Variants in RBFOX1 observed in about 807,000 individuals in gnomAD.
RBFOX1 encodes the protein RNA binding protein fox-1 homolog 1.
Under a neutral mutation model 57.7 loss-of-function variants are expected in RBFOX1, and 8 were observed. That is an observed-to-expected ratio of 0.14 (90% CI 0.08 to 0.25). RBFOX1 has a LOEUF of 0.25. Ranked by LOEUF, RBFOX1 falls within the 10% of genes least tolerant of loss-of-function variation. RBFOX1 has a pLI of 1.00. For missense variants in RBFOX1, 611 were observed against 548.5 expected (o/e 1.11, Z -1.14); for synonymous variants, 326 against 222.4 (o/e 1.47, Z -4.15).
At chr16:5,748,032 A>G (rs1207570156) in intron 3 of RBFOX1, among the ~76,000 whole-genome samples, 1 of 152,150 alleles carries the variant, frequency 6.6e-6, no homozygotes, top group Non-Finnish European at 1.5e-5. Flanking sequence ...ATTTCCCTCT[A>G]CACACTGCTT....
chr16:5,331,491 C>T (rs577016187), intron 1 of RBFOX1, among the ~76,000 whole-genome samples: 26 of 152,320 alleles, frequency 1.7e-4, no homozygotes, highest in Admixed American at 4.6e-4. Flanking sequence ...TCTGTCTTAC[C>T]AATTCTGGAA....
intron 13 of RBFOX1, among the ~76,000 whole-genome samples, chr16:7,673,024 C>T (rs1017972333): frequency 2.6e-5 from 4 of 151,944 alleles, no homozygotes; most frequent in Non-Finnish European, 5.9e-5. Flanking sequence ...TTGACCCTTG[C>T]ATATTTTCAT....
chr16:7,582,236 T>A (rs1394870815), intron 6 of RBFOX1, among the ~76,000 whole-genome samples: 1 of 152,218 alleles, frequency 6.6e-6, no homozygotes, highest in Non-Finnish European at 1.5e-5. Context: ...TTTGGCAAGA[T>A]GATAGATACA....
intron 4 of RBFOX1, among the ~76,000 whole-genome samples, chr16:7,356,456 T>A (rs1347466377): frequency 4.1e-5 from 6 of 147,674 alleles, no homozygotes; most frequent in Non-Finnish European, 7.5e-5. Flanking sequence ...GACTGGAGAG[T>A]GTTCAAAAGA....
At chr16:7,390,104 G>C (rs181673374) in intron 4 of RBFOX1, among the ~76,000 whole-genome samples, 12 of 152,184 alleles carry the variant, frequency 7.9e-5, no homozygotes, top group African/African-American at 2.9e-4. Context: ...AAAACAGAGC[G>C]AGAAGGGAGA....
At chr16:6,268,927 C>T (rs181983061) in intron 1 of RBFOX1, among the ~76,000 whole-genome samples, 3 of 152,226 alleles carry the variant, frequency 2.0e-5, no homozygotes, top group Admixed American at 2.0e-4. Context: ...TGTTCAAGTT[C>T]CTGATATAAA....
At chr16:6,447,717 C>G (rs1030786147) in intron 2 of RBFOX1, among the ~76,000 whole-genome samples, 4 of 152,292 alleles carry the variant, frequency 2.6e-5, no homozygotes, top group Middle Eastern at 3.4e-3. Context: ...TTGAAAGCCG[C>G]CTGTATGCCA....
chr16:7,235,834 G>C (rs1045189882), intron 4 of RBFOX1, among the ~76,000 whole-genome samples: 1 of 152,180 alleles, frequency 6.6e-6, no homozygotes, highest in African/African-American at 2.4e-5. Flanking sequence ...GACAATTCCA[G>C]TTTTTACAGT....
intron 1 of RBFOX1, among the ~76,000 whole-genome samples, chr16:5,306,708 C>T (rs1049369496): frequency 6.6e-6 from 1 of 152,176 alleles, no homozygotes; most frequent in African/African-American, 2.4e-5. Context: ...TCCGAGAGAG[C>T]ACGCCCATGC....
chr16:5,836,133 C>T (rs79435968), intron 3 of RBFOX1, among the ~76,000 whole-genome samples: 16,426 of 152,164 alleles, frequency 0.11, 1,212 homozygotes, highest in Non-Finnish European at 0.16. Context: ...GAGGCTGAGC[C>T]GGGGAGGGCA....
intron 1 of RBFOX1, among the ~76,000 whole-genome samples, chr16:5,301,368 C>T (rs1025015322): frequency 6.6e-6 from 1 of 152,072 alleles, no homozygotes; most frequent in Non-Finnish European, 1.5e-5. Flanking sequence ...GCCTGTAATA[C>T]CAGCCCTTTG....
intron 1 of RBFOX1, among the ~76,000 whole-genome samples, chr16:6,138,199 C>G (rs1032917888): frequency 2.6e-5 from 4 of 152,208 alleles, no homozygotes; most frequent in Non-Finnish European, 5.9e-5. Flanking sequence ...GGTGTGCGGT[C>G]TGGGCCCCTG....
chr16:6,997,920 T>A (rs1351184), intron 3 of RBFOX1, among the ~76,000 whole-genome samples: 121,552 of 152,020 alleles, frequency 0.8, 49,261 homozygotes, highest in East Asian at 0.98. Context: ...AGAAAAAGGT[T>A]AAAAGAATTC....
At chr16:6,454,497 G>A (rs2094711042) in intron 2 of RBFOX1, among the ~76,000 whole-genome samples, 1 of 152,174 alleles carries the variant, frequency 6.6e-6, no homozygotes, top group Non-Finnish European at 1.5e-5. Context: ...GATCAAGACT[G>A]TGGTGAGCTG....
chr16:7,508,853 G>A (rs1279425875), intron 4 of RBFOX1, among the ~76,000 whole-genome samples: 2 of 152,174 alleles, frequency 1.3e-5, no homozygotes, highest in Non-Finnish European at 1.5e-5. Context: ...CCTTCCAGTA[G>A]GGGAAGATCT....
chr16:7,439,910 C>T lies in RBFOX1; in HGVS notation c.28-78237C>T, dbSNP rs147477996. 4.3e-3 allele frequency among the ~76,000 whole-genome samples: 653 copies of T among 151,004 alleles called. 4 individuals are homozygous for T. The highest frequency in any genetic ancestry group is 0.015 in the African/African-American group (627 of 41,134). The stretch of plus-strand genomic sequence containing the variant: ...TGCTTTGTATTAGCAGTCAAGGCTC[C>T]AGGTTTCCTGAACCACAAAACAACC... On this transcript the variant is annotated intron_variant, in intron 4 of 15. Transcript: ENST00000550418.
At chr16:6,778,193 T>G (rs527559408) in intron 3 of RBFOX1, among the ~76,000 whole-genome samples, 1 of 152,242 alleles carries the variant, frequency 6.6e-6, no homozygotes, top group South Asian at 2.1e-4. Flanking sequence ...ATTAAAACAA[T>G]TCAGTCTCCC....
intron 4 of RBFOX1, among the ~76,000 whole-genome samples, chr16:7,078,423 C>G (rs1456155684): frequency 6.6e-6 from 1 of 152,180 alleles, no homozygotes; most frequent in Non-Finnish European, 1.5e-5. Flanking sequence ...TCTTGGCTCA[C>G]TGAAACCTCC....
At chr16:6,920,762 G>A (rs2074283875) in intron 3 of RBFOX1, among the ~76,000 whole-genome samples, 1 of 152,140 alleles carries the variant, frequency 6.6e-6, no homozygotes, top group Non-Finnish European at 1.5e-5. Context: ...CTTTCCCTCT[G>A]TCTCTGTGTG....
Sources: allele counts gnomAD v4.1 joint callset (sites outside exome capture counted in the v4.1 genomes callset), GRCh38; gene constraint gnomAD v4.1.1; transcripts MANE v1.5; gene names NCBI Gene and HGNC (gene_info 2026-07-23, HGNC 2026-07-21).